The following LYPLAL1 variants were observed in gnomAD, a reference collection of about 807,000 sequenced individuals.
LYPLAL1 encodes the protein lysophospholipase-like protein 1.
Under a neutral mutation model 19.7 loss-of-function variants are expected in LYPLAL1, and 23 were observed. That is an observed-to-expected ratio of 1.17 (90% CI 0.84 to 1.65). The LOEUF is 1.65. Among genes scored for constraint, LYPLAL1 ranks in the 40% most tolerant of loss-of-function variants. LYPLAL1 has a pLI of 0.00. For missense variants in LYPLAL1, 355 were observed against 279.4 expected, an observed-to-expected ratio of 1.27 and a Z score of -1.93; for synonymous variants, 119 against 96.3, an observed-to-expected ratio of 1.24 and a Z score of -1.38.
chr1:219,193,313 A>G (rs1657350805), intron 3 of LYPLAL1, 62 bp downstream of exon 3: 1 of 1,339,786 alleles, frequency 7.5e-7, no homozygotes, highest in Non-Finnish European at 1.0e-6. Flanking sequence ...TATACATCAA[A>G]TCTTACTTGG....
chr1:219,174,010 C>T (rs1433305442), intron 1 of LYPLAL1, 29 bp downstream of exon 1: 2 of 1,613,750 alleles, frequency 1.2e-6, no homozygotes, highest in Non-Finnish European at 1.7e-6. Flanking sequence ...TCCTGGTTTT[C>T]TACAGCTCGG....
chr1:219,298,678 C>T, the LYPLAL1 span, among the ~76,000 whole-genome samples: 5 of 152,202 alleles, frequency 3.3e-5, no homozygotes, highest in Admixed American at 2.6e-4. Flanking sequence ...ATCCTCAAAA[C>T]ATTTCAAAAG....
At chr1:219,305,934 T>A in the LYPLAL1 span, among the ~76,000 whole-genome samples, 1 of 152,232 alleles carries the variant, frequency 6.6e-6, no homozygotes, top group East Asian at 1.9e-4. Context: ...CCAGGAATGT[T>A]GACAGTATTC....
At chr1:219,303,434 G>A in the LYPLAL1 span, among the ~76,000 whole-genome samples, 1 of 152,182 alleles carries the variant, frequency 6.6e-6, no homozygotes, top group Non-Finnish European at 1.5e-5. Flanking sequence ...GATAAGCAGG[G>A]TTGTGCCTGG....
At chr1:219,349,919 C>T in the LYPLAL1 span, among the ~76,000 whole-genome samples, 1 of 152,162 alleles carries the variant, frequency 6.6e-6, no homozygotes, top group African/African-American at 2.4e-5. Context: ...TTAGAAATGT[C>T]TTCACCTCCA....
At position 219,211,672 on chromosome 1, in the gene LYPLAL1, A is replaced by T; in HGVS notation, c.658A>T (p.Ile220Leu). The T allele has an allele frequency of 6.2e-7, 1 of 1,612,886 alleles. No homozygotes were observed. Among genetic ancestry groups the T allele is most frequent in the Non-Finnish European group, 8.5e-7 (1 of 1,179,390 alleles). Residue 220 changes from isoleucine (I) to leucine (L), a missense_variant, in exon 5 of 5, where the codon ATA (isoleucine) becomes TTA (leucine). By Grantham distance (5) the Ile-to-Leu change is conservative. Coordinates refer to ENST00000366928, the MANE Select transcript of LYPLAL1 (RefSeq NM_138794.5). Reference sequence around the variant, plus strand: ...TGAGCTAAGCAAAACTGAGTTAGACATATTGAAGTTATGGATTCTTACAAA... The same window carrying T: ...TGAGCTAAGCAAAACTGAGTTAGACTTATTGAAGTTATGGATTCTTACAAA... ...YHELSKTELD[I>L]LKLWILTKLP...
At position 219,212,638 on chromosome 1, in the gene LYPLAL1, T is replaced by C. The variant is rs549867020; in HGVS notation, c.*910T>C. 9 of 152,170 alleles carry C rather than the reference T, an allele frequency of 5.9e-5. No homozygotes were observed. Among genetic ancestry groups the C allele is most frequent in the African/African-American group, 2.2e-4 (9 of 41,560 alleles). 9.4% of individuals were successfully genotyped at this position (152,170 alleles called of 1,614,324 possible). A position where few individuals can be genotyped will look rare whatever the true frequency, so the allele number is the denominator to read the frequency against. ...TTTAAGTTTTATTAAATATACATTATCCCTATTTGTATAAATAGAATCATA... is the reference window on the plus strand; with the variant it reads ...TTTAAGTTTTATTAAATATACATTACCCCTATTTGTATAAATAGAATCATA... On this transcript the variant is annotated 3_prime_UTR_variant, in exon 5 of 5. Coordinates refer to ENST00000366928, the MANE Select transcript of LYPLAL1 (RefSeq NM_138794.5).
intron 3 of LYPLAL1, among the ~76,000 whole-genome samples, chr1:219,195,511 A>C (rs1375763845): frequency 2.6e-5 from 4 of 152,192 alleles, no homozygotes; most frequent in African/African-American, 9.6e-5. Context: ...TGTATTGAAG[A>C]GTTTATCACA....
the LYPLAL1 span, among the ~76,000 whole-genome samples, chr1:219,236,817 G>A: frequency 2.6e-5 from 4 of 152,120 alleles, no homozygotes; most frequent in South Asian, 8.3e-4. Context: ...ATAGGTAAAC[G>A]TGTGCCATGG....
the LYPLAL1 span, among the ~76,000 whole-genome samples, chr1:219,265,851 T>C: frequency 6.6e-6 from 1 of 152,106 alleles, no homozygotes; most frequent in Non-Finnish European, 1.5e-5. Flanking sequence ...TTTGTATATC[T>C]AAACATAGCT....
the LYPLAL1 span, among the ~76,000 whole-genome samples, chr1:219,363,813 T>C: frequency 6.6e-6 from 1 of 152,138 alleles, no homozygotes; most frequent in African/African-American, 2.4e-5. Context: ...AGTCTAACTT[T>C]CTTCTCATAC....
At chr1:219,301,139 T>A in the LYPLAL1 span, among the ~76,000 whole-genome samples, 1 of 152,162 alleles carries the variant, frequency 6.6e-6, no homozygotes, top group Non-Finnish European at 1.5e-5. Flanking sequence ...CGATTCAACA[T>A]TATTTATTCT....
At chr1:219,349,971 G>A in the LYPLAL1 span, among the ~76,000 whole-genome samples, 394 of 152,196 alleles carry the variant, frequency 2.6e-3, 3 homozygotes, top group African/African-American at 8.2e-3. Flanking sequence ...AGTAATATAA[G>A]CCATTACATT....
At chr1:219,291,351 AT>A in the LYPLAL1 span, among the ~76,000 whole-genome samples, 1 of 152,156 alleles carries the variant, frequency 6.6e-6, no homozygotes, top group Non-Finnish European at 1.5e-5. Flanking sequence ...TCTTTTATTT[AT>A]TTTTGTTTGC....
At chr1:219,280,189 G>C in the LYPLAL1 span, among the ~76,000 whole-genome samples, 4 of 152,192 alleles carry the variant, frequency 2.6e-5, no homozygotes, top group African/African-American at 9.7e-5. Context: ...GCTGACTGCA[G>C]TCCAAAACCC....
intron 1 of LYPLAL1, 122 bp from the exon 2 acceptor site, chr1:219,179,025 A>G (rs1228209581): frequency 1.8e-6 from 1 of 569,782 alleles, no homozygotes; most frequent in Admixed American, 3.8e-5. Context: ...GGTTATTATG[A>G]TGTATGGAGC....
chr1:219,176,065 A>G (rs1308318500), intron 1 of LYPLAL1, among the ~76,000 whole-genome samples: 4 of 152,196 alleles, frequency 2.6e-5, no homozygotes, highest in Non-Finnish European at 4.4e-5. Flanking sequence ...CAAATAAAAA[A>G]CCTTAAAAGC....
the LYPLAL1 span, among the ~76,000 whole-genome samples, chr1:219,238,581 T>C: frequency 6.6e-6 from 1 of 152,152 alleles, no homozygotes; most frequent in African/African-American, 2.4e-5. Context: ...TATAAGCAAA[T>C]TGATAGCTAA....
chr1:219,225,039 T>C, the LYPLAL1 span, among the ~76,000 whole-genome samples: 2 of 152,136 alleles, frequency 1.3e-5, no homozygotes, highest in Non-Finnish European at 2.9e-5. Context: ...AGCCCCTTAA[T>C]GTGGAAGGTC....
Sources: gnomAD v4.1 joint callset for allele counts (sites outside exome capture counted in the v4.1 genomes callset) on GRCh38, gnomAD v4.1.1 for gene constraint, MANE v1.5 for transcripts, NCBI Gene and HGNC (gene_info 2026-07-23, HGNC 2026-07-21) for gene names.